MLLT3: variants seen among roughly 807,000 people sequenced by gnomAD.
The protein encoded by MLLT3 is MLLT3 super elongation complex subunit.
Under a neutral mutation model 53.2 loss-of-function variants are expected in MLLT3, and 4 were observed. The observed-to-expected ratio is 0.08, with a 90% CI of 0.04 to 0.17. The LOEUF is 0.17. Ranked by LOEUF, MLLT3 falls within the 10% of genes least tolerant of loss-of-function variation. MLLT3 has a pLI of 1.00. For missense variants in MLLT3, 569 were observed against 684.0 expected (o/e 0.83, Z 1.87); for synonymous variants, 283 against 230.6 (o/e 1.23, Z -2.06).
At chr9:20,388,063 T>C (rs959443711) in intron 5 of MLLT3, among the ~76,000 whole-genome samples, 2 of 152,184 alleles carry the variant, frequency 1.3e-5, no homozygotes, top group South Asian at 4.1e-4. Flanking sequence ...ATCAGTATTT[T>C]GATTATTACC....
chr9:20,621,829 T>TC lies in MLLT3; in HGVS notation c.12+415dup, dbSNP rs947173371. On this transcript the variant is annotated intron_variant, in intron 1 of 10. Coordinates refer to ENST00000380338, the MANE Select transcript of MLLT3 (RefSeq NM_004529.4). The surrounding 1 kb of genome is among the most constrained non-coding windows in gnomAD (Gnocchi z 7.0). The stretch of plus-strand genomic sequence containing the variant: ...GCGGCCGCCGAGGCTGCTCGCCGCG[T>TC]CCCCGGACTGTGCCCGCAGCTCCCG... 4.7e-4 allele frequency: 660 copies of TC among 1,409,662 alleles called. 2 individuals carry two copies. Among genetic ancestry groups the TC allele is most frequent in the Non-Finnish European group, 5.8e-4 (631 of 1,093,546 alleles). The allele number at this position is 1,409,662 out of a possible 1,614,324, so 87.3% of individuals were successfully genotyped here. A position where few individuals can be genotyped will look rare whatever the true frequency, so the allele number is the denominator to read the frequency against.
In MLLT3 at chr9:20,518,989, C is replaced by G. The variant is rs550689285; in HGVS notation, c.194-62203G>C. ...ATTAACTAATGCTTTCATTAATTAA[C>G]AATGAGTTAATTCTTCCTTCCTATA... is the stretch of plus-strand genomic sequence containing the variant. On this transcript the variant is annotated intron_variant, in intron 2 of 10. Coordinates refer to ENST00000380338, the MANE Select transcript of MLLT3 (RefSeq NM_004529.4). 3.9e-5 allele frequency among the ~76,000 whole-genome samples: 6 copies of G among 152,162 alleles called. No homozygotes were observed. The East Asian group carries it at 9.6e-4, about 24-fold the overall frequency.
intron 2 of MLLT3, among the ~76,000 whole-genome samples, chr9:20,529,061 G>C (rs563652662): frequency 1.6e-4 from 24 of 152,246 alleles, no homozygotes; most frequent in Admixed American, 1.2e-3. Flanking sequence ...CCTGGATCAG[G>C]GTTATCAACT....
chr9:20,413,383 C>T (rs1410211369), intron 5 of MLLT3, among the ~76,000 whole-genome samples: 1 of 152,124 alleles, frequency 6.6e-6, no homozygotes, highest in African/African-American at 2.4e-5. Flanking sequence ...TTATTATATT[C>T]TTCTCACTTT....
intron 2 of MLLT3, among the ~76,000 whole-genome samples, chr9:20,494,008 T>C (rs887915586): frequency 6.6e-6 from 1 of 152,104 alleles, no homozygotes; most frequent in Non-Finnish European, 1.5e-5. Flanking sequence ...GAAATGCAGA[T>C]GAAAAATTCT....
intron 2 of MLLT3, among the ~76,000 whole-genome samples, chr9:20,498,078 C>G (rs893039069): frequency 2.0e-5 from 3 of 151,602 alleles, no homozygotes; most frequent in African/African-American, 7.3e-5. Context: ...TAAAAATTAG[C>G]TGGGCGTGGT....
intron 2 of MLLT3, among the ~76,000 whole-genome samples, chr9:20,560,743 C>G (rs1819182121): frequency 6.6e-6 from 1 of 152,054 alleles, no homozygotes; most frequent in Non-Finnish European, 1.5e-5. Flanking sequence ...GCCTTACACT[C>G]TTATTAAAAA....
At chr9:20,618,331 G>C (rs1820890000) in intron 2 of MLLT3, among the ~76,000 whole-genome samples, 2 of 152,120 alleles carry the variant, frequency 1.3e-5, no homozygotes, top group Non-Finnish European at 2.9e-5. Context: ...CATTTTGAAA[G>C]ACTTTATAAG....
chr9:20,604,080 A>G (rs1820504560), intron 2 of MLLT3, among the ~76,000 whole-genome samples: 1 of 152,112 alleles, frequency 6.6e-6, no homozygotes, highest in African/African-American at 2.4e-5. Context: ...TTAATCACGT[A>G]GCAGTGGGTT....
chr9:20,470,525 C>T (rs1004847357), intron 2 of MLLT3, among the ~76,000 whole-genome samples: 1 of 151,990 alleles, frequency 6.6e-6, no homozygotes, highest in Non-Finnish European at 1.5e-5. Flanking sequence ...ATACCTATGT[C>T]AATGCCATGC....
At chr9:20,431,512 G>C (rs1378421321) in intron 4 of MLLT3, among the ~76,000 whole-genome samples, 5 of 152,108 alleles carry the variant, frequency 3.3e-5, no homozygotes, top group African/African-American at 1.2e-4. Context: ...TGAATTCCAT[G>C]TAGTAAAGGT....
In MLLT3 at chr9:20,505,388, CT is replaced by C. The variant is rs560709547; in HGVS notation, c.194-48603del. On this transcript the variant is annotated intron_variant, in intron 2 of 10. Coordinates refer to ENST00000380338, the MANE Select transcript of MLLT3 (RefSeq NM_004529.4). ...ATCACCTTATTTGCTAAATTATAAA[CT>C]TTTTTTTCCTCCAACAAAATTGGAA... 5.9e-3 allele frequency among the ~76,000 whole-genome samples: 899 copies of C among 152,136 alleles called. 14 individuals are homozygous for C. The highest frequency in any genetic ancestry group is 8.6e-3 in the Non-Finnish European group (588 of 67,984).
intron 2 of MLLT3, among the ~76,000 whole-genome samples, chr9:20,566,910 A>T (rs967426095): frequency 6.6e-6 from 1 of 152,118 alleles, no homozygotes; most frequent in African/African-American, 2.4e-5. Flanking sequence ...TTTAAAAAAT[A>T]ATAATAATAC....
At chr9:20,428,672 C>T (rs1488159990) in intron 4 of MLLT3, among the ~76,000 whole-genome samples, 1 of 151,642 alleles carries the variant, frequency 6.6e-6, no homozygotes, top group East Asian at 1.9e-4. Context: ...TTTTTGTAAC[C>T]CTAATAAAAC....
chr9:20,350,589 CG>C lies in MLLT3; in HGVS notation c.1575+2935del, dbSNP rs1316404326. 5.8e-5 allele frequency among the ~76,000 whole-genome samples: 4 copies of C among 69,420 alleles called. No homozygotes were observed. The African/African-American group carries it at 1.2e-3, about 21-fold the overall frequency. The allele number at this position is 69,420 out of a possible 152,430, so 45.5% of individuals were successfully genotyped here. On this transcript the variant is annotated intron_variant, in intron 10 of 10. Coordinates refer to ENST00000380338, the MANE Select transcript of MLLT3 (RefSeq NM_004529.4). Reference sequence around the variant, plus strand: ...CAGCCTGGGCGACAGAGCGAGACTCCGTCTCAAAAAAAGAAAGAAAGAAAAA... The same window carrying C: ...CAGCCTGGGCGACAGAGCGAGACTCCTCTCAAAAAAAGAAAGAAAGAAAAA...
chr9:20,561,838 C>G (rs138468169), intron 2 of MLLT3, among the ~76,000 whole-genome samples: 1 of 152,052 alleles, frequency 6.6e-6, no homozygotes, highest in African/African-American at 2.4e-5. Flanking sequence ...GGCTTTGGGA[C>G]AGACCAACAG....
At chr9:20,526,900 ACCTTTCATATGTTT>A in intron 2 of MLLT3, among the ~76,000 whole-genome samples, 1 of 152,230 alleles carries the variant, frequency 6.6e-6, no homozygotes, top group Non-Finnish European at 1.5e-5. Context: ...GAGGCTAGGC[ACCTTTCATATGTTT>A]ATTGTATATA....
chr9:20,617,160 GTTCC>G (rs1820852031), intron 2 of MLLT3, among the ~76,000 whole-genome samples: 1 of 152,104 alleles, frequency 6.6e-6, no homozygotes, highest in African/African-American at 2.4e-5. Context: ...TCTTCATTTT[GTTCC>G]TTATATCTTT....
chr9:20,462,209 GCA>G (rs1173826699), intron 2 of MLLT3, among the ~76,000 whole-genome samples: 1 of 152,166 alleles, frequency 6.6e-6, no homozygotes, highest in African/African-American at 2.4e-5. Flanking sequence ...ATTTTTAAAA[GCA>G]CACACAAAAA....
Sources: allele counts gnomAD v4.1 joint callset (sites outside exome capture counted in the v4.1 genomes callset), GRCh38; gene constraint gnomAD v4.1.1; non-coding constraint Gnocchi (gnomAD v3.1); transcripts MANE v1.5; gene names NCBI Gene and HGNC (gene_info 2026-07-23, HGNC 2026-07-21).